PLD1: variants seen among roughly 807,000 people sequenced by gnomAD.
PLD1 encodes phospholipase D1.
A neutral mutation model predicts 137.1 loss-of-function variants in PLD1; 112 were observed. The observed-to-expected ratio is 0.82, with a 90% CI of 0.70 to 0.96. The LOEUF is 0.96. Among genes scored for constraint, PLD1 ranks in the 40% least tolerant of loss-of-function variants. PLD1 has a pLI of 0.00. For synonymous variants in PLD1, 431 were observed against 454.7 expected (o/e 0.95, Z 0.66); for missense variants, 1,321 against 1,342.0 (o/e 0.98, Z 0.24).
At chr3:171,620,738 C>CTA (rs1475678565) in intron 23 of PLD1, among the ~76,000 whole-genome samples, 167 of 77,036 alleles carry the variant, frequency 2.2e-3, no homozygotes, top group Admixed American at 0.017. Flanking sequence ...CTCTCTCTCT[C>CTA]TCTCTATATA....
intron 1 of PLD1, among the ~76,000 whole-genome samples, chr3:171,804,788 G>A (rs774648682): frequency 9.2e-5 from 14 of 152,218 alleles, no homozygotes; most frequent in Non-Finnish European, 1.5e-4. Context: ...CCAAAGGAAA[G>A]ATCATCTCCA....
intron 1 of PLD1, among the ~76,000 whole-genome samples, chr3:171,790,795 G>A (rs1238389023): frequency 6.6e-6 from 1 of 152,196 alleles, no homozygotes; most frequent in Non-Finnish European, 1.5e-5. Context: ...TTCTAGAGCC[G>A]TCATGCCAGC....
intron 11 of PLD1, among the ~76,000 whole-genome samples, chr3:171,706,569 T>C (rs560079820): frequency 1.3e-5 from 2 of 152,310 alleles, no homozygotes; most frequent in South Asian, 2.1e-4. Flanking sequence ...TCTCTGTTCA[T>C]TGTTTTTCTT....
At position 171,687,408 on chromosome 3, in the gene PLD1, G is replaced by C. The variant is rs146264662; in HGVS notation, c.1716C>G (p.His572Gln). 6.2e-7 allele frequency: 1 copy of C among 1,614,130 alleles called. No homozygotes were observed. Among genetic ancestry groups the C allele is most frequent in the South Asian group, 1.1e-5 (1 of 91,086 alleles). The change falls in exon 15 of 27, where the codon CAC (histidine) becomes CAG (glutamine). Residue 572 changes from histidine to glutamine, a missense_variant. By Grantham distance (24) the His-to-Gln change is conservative. Coordinates refer to ENST00000351298, the MANE Select transcript of PLD1 (RefSeq NM_002662.5). ...CAATGCTGCTGATGCTATCTGCGTC[G>C]TGCAGGTGGTGCCTGTGGAGCTGCT... is the stretch of plus-strand genomic sequence containing the variant. ...LYKQLHRHHL[H>Q]DADSISSIDS...
chr3:171,707,020 C>T (rs1256623567), intron 11 of PLD1, among the ~76,000 whole-genome samples: 1 of 152,160 alleles, frequency 6.6e-6, no homozygotes, highest in African/African-American at 2.4e-5. Context: ...TTTGCAGCAA[C>T]ATGGATGGAG....
intron 7 of PLD1, 141 bp from the exon 8 acceptor site, chr3:171,724,929 T>C: frequency 1.5e-6 from 1 of 661,778 alleles, no homozygotes; most frequent in Non-Finnish European, 2.7e-6. Context: ...CGCTCTCAAC[T>C]AGCTCAGTGC....
intron 8 of PLD1, among the ~76,000 whole-genome samples, chr3:171,718,480 A>G (rs2108226151): frequency 6.6e-6 from 1 of 152,356 alleles, no homozygotes; most frequent in Middle Eastern, 3.4e-3. Context: ...TGAGGCCAGC[A>G]TCATCCTAAC....
chr3:171,789,163 T>C (rs1185135821), intron 1 of PLD1: 1 of 152,234 alleles, frequency 6.6e-6, no homozygotes, highest in East Asian at 1.9e-4. Context: ...CACAGGATTT[T>C]TCTATCTACA....
intron 21 of PLD1, among the ~76,000 whole-genome samples, chr3:171,650,244 A>C (rs188728326): frequency 1.9e-4 from 29 of 152,310 alleles, no homozygotes; most frequent in African/African-American, 6.7e-4. Context: ...GTTCGGGGAA[A>C]AACAGGATAG....
At chr3:171,764,466 C>T (rs1436427286) in intron 1 of PLD1, among the ~76,000 whole-genome samples, 1 of 152,076 alleles carries the variant, frequency 6.6e-6, no homozygotes, top group Admixed American at 6.5e-5. Context: ...ATGTAATTTG[C>T]TCAAGGTCAC....
intron 8 of PLD1, among the ~76,000 whole-genome samples, chr3:171,720,593 A>T (rs1013705024): frequency 3.9e-5 from 6 of 152,106 alleles, no homozygotes; most frequent in Non-Finnish European, 8.8e-5. Flanking sequence ...AAAAAAAAAA[A>T]AAAGTCTTCC....
intron 8 of PLD1, among the ~76,000 whole-genome samples, chr3:171,719,429 C>G (rs1221070108): frequency 6.6e-6 from 1 of 152,230 alleles, no homozygotes; most frequent in Non-Finnish European, 1.5e-5. Flanking sequence ...GAACTATCTT[C>G]TAGCAGCCCA....
rs1383841808 is a variant in PLD1 at position 171,686,723 on chromosome 3, G to A, written c.1829C>T (p.Ser610Phe). The A allele has an allele frequency of 1.9e-6, 3 of 1,608,908 alleles. No homozygotes were observed. Among genetic ancestry groups the A allele is most frequent in the Non-Finnish European group, 2.6e-6 (3 of 1,175,308 alleles). Residue 610 changes from serine to phenylalanine, a missense_variant, in exon 16 of 27, where the codon TCC (serine) becomes TTC (phenylalanine). Ser to Phe is a radical substitution (Grantham distance 155, BLOSUM62 -2). Coordinates refer to ENST00000351298, the MANE Select transcript of PLD1 (RefSeq NM_002662.5). The stretch of plus-strand genomic sequence containing the variant: ...AGTGAGTCCTTGCTCAGACTCACTG[G>A]ACGGGTGAAAGAGTTTGAAGTGGGG... ...LKPHFKLFHP[S>F]SESEQGLTRP...
chr3:171,801,532 A>C (rs1723646281), intron 1 of PLD1, among the ~76,000 whole-genome samples: 2 of 152,132 alleles, frequency 1.3e-5, no homozygotes, highest in African/African-American at 4.8e-5. Context: ...AGGTTCAAGC[A>C]ATTCTCCTGC....
chr3:171,642,457 C>CA (rs1230947984), intron 23 of PLD1, among the ~76,000 whole-genome samples: 1,225 of 31,960 alleles, frequency 0.038, 55 homozygotes, highest in African/African-American at 0.076. Flanking sequence ...AACCCAGTCT[C>CA]AAAAAAAAAA....
intron 8 of PLD1, among the ~76,000 whole-genome samples, 169 bp from the exon 9 acceptor site, chr3:171,714,214 A>T (rs41273591): frequency 2.0e-5 from 3 of 152,208 alleles, no homozygotes; most frequent in African/African-American, 7.2e-5. Flanking sequence ...AACAAAAAAA[A>T]CCCAACAAAA....
In PLD1 at chr3:171,676,174, G is replaced by A. The variant is rs1713330636; in HGVS notation, c.2115+541C>T. On this transcript the variant is annotated intron_variant, in intron 18 of 26. Transcript: ENST00000351298. ...TACGTACTTAACTTATGAATGTTAG[G>A]TTTGAATGTTATGTCAAGTTCTTAC... is the stretch of plus-strand genomic sequence containing the variant. Among the ~76,000 whole-genome samples the A allele has an allele frequency of 2.0e-5, 3 of 152,082 alleles. No homozygotes were observed. The South Asian group carries it at 6.2e-4, about 32-fold the overall frequency.
At chr3:171,617,435 T>A (rs1578111609) in intron 24 of PLD1, among the ~76,000 whole-genome samples, 1 of 152,146 alleles carries the variant, frequency 6.6e-6, no homozygotes, top group South Asian at 2.1e-4. Context: ...ATGGAAGGAG[T>A]AGCTGCCTCT....
chr3:171,735,658 G>A (rs1286672643), intron 3 of PLD1, 21 bp from the exon 4 acceptor site: 2 of 1,386,318 alleles, frequency 1.4e-6, no homozygotes, highest in Non-Finnish European at 1.0e-6. Flanking sequence ...ACATAAAAAT[G>A]TTTGATATTT....
Sources: allele counts gnomAD v4.1 joint callset (sites outside exome capture counted in the v4.1 genomes callset), GRCh38; gene constraint gnomAD v4.1.1; transcripts MANE v1.5; gene names NCBI Gene and HGNC (gene_info 2026-07-23, HGNC 2026-07-21).